MAX: variants seen among roughly 807,000 people sequenced by gnomAD.
MAX encodes MYC associated transcriptional regulator X.
In MAX, 3 loss-of-function variants were observed where a neutral mutation model predicts 22.3. The observed-to-expected ratio is 0.13, with a 90% CI of 0.06 to 0.35. The LOEUF is 0.35. Among genes scored for constraint, MAX ranks in the 10% least tolerant of loss-of-function variants. MAX has a pLI of 1.00. For synonymous variants in MAX, 72 were observed against 77.7 expected, an observed-to-expected ratio of 0.93 and a Z score of 0.39; for missense variants, 119 against 209.4, an observed-to-expected ratio of 0.57 and a Z score of 2.66.
At position 65,076,514 on chromosome 14, in the gene MAX, G is replaced by A. The variant is rs2063059168; in HGVS notation, c.445C>T (p.Pro149Ser). 1 of 1,613,868 alleles carries A rather than the reference G, an allele frequency of 6.2e-7. No individual in the cohort carries two copies. Among genetic ancestry groups the A allele is most frequent in the Non-Finnish European group, 8.5e-7 (1 of 1,180,016 alleles). Reference sequence around the variant, plus strand: ...ATCCGGAGCTTCTTCCTGCTTTGGGGCTCTTCAGGCTCAGACTCCGAGCTG... The same window carrying A: ...ATCCGGAGCTTCTTCCTGCTTTGGGACTCTTCAGGCTCAGACTCCGAGCTG... ...DSSSESEPEE[P>S]QSRKKLRMEA... Residue 149 changes from proline to serine, a missense_variant, in exon 5 of 5, where the codon CCC becomes TCC. Transcript: ENST00000358664. The surrounding 1 kb of genome is among the most constrained non-coding windows in gnomAD (Gnocchi z 6.6).
chr14:65,074,603 T>C (rs1042997782), downstream of MAX, among the ~76,000 whole-genome samples: 2 of 152,248 alleles, frequency 1.3e-5, no homozygotes, highest in Admixed American at 1.3e-4. Context: ...AATTCCTTTT[T>C]CTTCCAAGGT....
chr14:65,078,203 A>T lies in MAX; in HGVS notation c.172-167T>A, dbSNP rs796169282. Among the ~76,000 whole-genome samples the T allele has an allele frequency of 8.4e-4, 122 of 144,682 alleles. No individual in the cohort carries two copies. In the East Asian group the frequency reaches 0.013, roughly 16 times the overall value. 94.9% of individuals were successfully genotyped at this position (144,682 alleles called of 152,430 possible). A position where few individuals can be genotyped will look rare whatever the true frequency, so the allele number is the denominator to read the frequency against. Reference sequence around the variant, plus strand: ...TACTGTAGGCTTTATTTATTTATTTATTTTTTTATTTTTTTGAGACAGAGT... The same window carrying T: ...TACTGTAGGCTTTATTTATTTATTTTTTTTTTTATTTTTTTGAGACAGAGT... On this transcript the variant is annotated intron_variant, in intron 3 of 4. Coordinates refer to ENST00000358664, the MANE Select transcript of MAX (RefSeq NM_002382.5). This position sits in a 1 kb window ranked among gnomAD's most constrained non-coding sequence, Gnocchi z 6.4.
Position 65,102,362 on chromosome 14 carries a change from C to A in MAX, c.-23G>T, listed in dbSNP as rs2139978192. The A allele has an allele frequency of 6.2e-7, 1 of 1,613,268 alleles. No individual in the cohort carries two copies. The highest frequency in any genetic ancestry group is 8.5e-7 in the Non-Finnish European group (1 of 1,179,634). On this transcript the variant is annotated 5_prime_UTR_variant, in exon 1 of 5. Transcript: ENST00000358664. ...CATTTCCTACGGCCCAGGGAGCGGC[C>A]ACTGCAGCGGCGGCGGGGAGGGGAA...
intron 3 of MAX, among the ~76,000 whole-genome samples, chr14:65,083,055 T>A (rs2063239190): frequency 6.6e-6 from 1 of 152,166 alleles, no homozygotes; most frequent in African/African-American, 2.4e-5. Context: ...ATGAATAATG[T>A]AGAAGGGACC....
chr14:65,084,288 G>A lies in MAX; in HGVS notation c.172-6252C>T. ...GGACAGGAGTACACAATTTCCAAAA[G>A]AGGAAATAGAGCTAGTAAATAAACA... On this transcript the variant is annotated intron_variant, in intron 3 of 4. Transcript: ENST00000358664. The surrounding 1 kb of genome is among the most constrained non-coding windows in gnomAD (Gnocchi z 4.3). The A allele has an allele frequency of 6.5e-7, 1 of 1,545,452 alleles. No homozygotes were observed. The highest frequency in any genetic ancestry group is 8.9e-7 in the Non-Finnish European group (1 of 1,117,636).
intron 3 of MAX, among the ~76,000 whole-genome samples, chr14:65,067,625 G>GTTT (rs201195408): frequency 3.6e-5 from 5 of 140,688 alleles, no homozygotes; most frequent in Admixed American, 7.1e-5. Flanking sequence ...ATGGGTTTAT[G>GTTT]TTTTTTTTTT....
intron 3 of MAX, among the ~76,000 whole-genome samples, chr14:65,051,223 C>G (rs984717231): frequency 5.9e-5 from 9 of 152,232 alleles, no homozygotes; most frequent in Admixed American, 1.3e-4. Context: ...CACCTGGCCA[C>G]TGTCCCTCAC....
Position 65,093,984 on chromosome 14 carries a change from A to T in MAX, c.64-169T>A, listed in dbSNP as rs184803066. ...GGAGTCTCCAGAATTAGGCTCTGCT[A>T]AAGGGGGAGAAAGGGGTGAGCAACG... On this transcript the variant is annotated intron_variant, in intron 2 of 4. Transcript: ENST00000358664. This position sits in a 1 kb window ranked among gnomAD's most constrained non-coding sequence, Gnocchi z 4.4. 9 of 667,096 alleles carry T rather than the reference A, an allele frequency of 1.3e-5. No homozygotes were observed. The East Asian group carries it at 2.5e-4, about 18-fold the overall frequency. 41.3% of individuals were successfully genotyped at this position (667,096 alleles called of 1,614,324 possible).
chr14:65,065,829 C>T (rs1262738394), intron 3 of MAX, among the ~76,000 whole-genome samples: 4 of 152,130 alleles, frequency 2.6e-5, no homozygotes, highest in Non-Finnish European at 2.9e-5. Context: ...CCTGTTCTAC[C>T]GCCTCTCATT....
rs1421623072 is a variant in MAX at position 65,079,114 on chromosome 14, TAA to T, written c.172-1080_172-1079del. Reference sequence around the variant, plus strand: ...TACTTAAATGAAAGCTTTAGGTCACTAATTCTGCTAGGGCCTGGCTTGAGACA... The same window carrying T: ...TACTTAAATGAAAGCTTTAGGTCACTTTCTGCTAGGGCCTGGCTTGAGACA... On this transcript the variant is annotated intron_variant, in intron 3 of 4. Transcript: ENST00000358664. The surrounding 1 kb of genome is among the most constrained non-coding windows in gnomAD (Gnocchi z 4.5). Among the ~76,000 whole-genome samples, 1 of 152,222 alleles carries T rather than the reference TAA, an allele frequency of 6.6e-6. No homozygotes were observed. Among genetic ancestry groups the T allele is most frequent in the African/African-American group, 2.4e-5 (1 of 41,448 alleles).
chr14:65,052,291 A>AT (rs2062634124), intron 3 of MAX, among the ~76,000 whole-genome samples: 1 of 152,220 alleles, frequency 6.6e-6, no homozygotes, highest in African/African-American at 2.4e-5. Context: ...CAGTTATAAT[A>AT]ACTAGGTAGA....
rs187682551 is a variant in MAX, at chr14:65,064,529, G to A, written c.171+29179C>T. Among the ~76,000 whole-genome samples the A allele has an allele frequency of 1.6e-3, 243 of 152,288 alleles. 1 individual carries two copies. Among genetic ancestry groups the A allele is most frequent in the African/African-American group, 5.3e-3 (222 of 41,552 alleles). On this transcript the variant is annotated intron_variant, in intron 3 of 3. Coordinates refer to the MAX transcript ENST00000341653. ...ATAGCTCCAGACCCTACATCCTGTT[G>A]GGGTCAGGTTCAGCAGACAGGCACA...
At chr14:65,066,996 C>G (rs938663805) in intron 3 of MAX, among the ~76,000 whole-genome samples, 3 of 150,206 alleles carry the variant, frequency 2.0e-5, no homozygotes, top group Non-Finnish European at 3.0e-5. Flanking sequence ...AGCGACATAG[C>G]CACACTCTGT....
chr14:65,037,661 G>A (rs1159299861), intron 3 of MAX, among the ~76,000 whole-genome samples: 3 of 149,586 alleles, frequency 2.0e-5, no homozygotes, highest in African/African-American at 4.9e-5. Context: ...CTGGGCTGAC[G>A]TAATCCTCCT....
chr14:65,025,795 G>A (rs1479296591), intron 3 of MAX, among the ~76,000 whole-genome samples: 1 of 152,130 alleles, frequency 6.6e-6, no homozygotes, highest in Non-Finnish European at 1.5e-5. Context: ...CAGCCTGGCC[G>A]ACAGAGTAAG....
At position 65,078,140 on chromosome 14, in the gene MAX, G is replaced by T. The variant is rs2063109799; in HGVS notation, c.172-104C>A. On this transcript the variant is annotated intron_variant, in intron 3 of 4. Transcript: ENST00000358664. This position sits in a 1 kb window ranked among gnomAD's most constrained non-coding sequence, Gnocchi z 6.4. ...CTGCTTGGGTGGCTGGAAACGAGAG[G>T]GTAAGGTGGGAAAAGGCTGAAGAAA... The T allele has an allele frequency of 8.0e-7, 1 of 1,249,918 alleles. No homozygotes were observed. Among genetic ancestry groups the T allele is most frequent in the Non-Finnish European group, 1.2e-6 (1 of 855,672 alleles). The allele number at this position is 1,249,918 out of a possible 1,614,324, so 77.4% of individuals were successfully genotyped here.
Position 65,077,663 on chromosome 14 carries a change from G to C in MAX, c.295+250C>G. ...GAGCACCTGAGCCCCAAGAAGGGGA[G>C]AGGTCAGGCCAGAAAAGATACAAGT... On this transcript the variant is annotated intron_variant, in intron 4 of 4. Coordinates refer to ENST00000358664, the MANE Select transcript of MAX (RefSeq NM_002382.5). The surrounding 1 kb of genome is among the most constrained non-coding windows in gnomAD (Gnocchi z 6.3). The C allele has an allele frequency of 1.4e-6, 2 of 1,466,556 alleles. No individual in the cohort carries two copies. Among genetic ancestry groups the C allele is most frequent in the Non-Finnish European group, 1.9e-6 (2 of 1,077,210 alleles). 90.8% of individuals were successfully genotyped at this position (1,466,556 alleles called of 1,614,324 possible). A position where few individuals can be genotyped will look rare whatever the true frequency, so the allele number is the denominator to read the frequency against.
intron 3 of MAX, among the ~76,000 whole-genome samples, chr14:65,046,628 T>C (rs2062486329): frequency 6.6e-6 from 1 of 152,156 alleles, no homozygotes; most frequent in Non-Finnish European, 1.5e-5. Context: ...ACACAGGGCA[T>C]CTCTTGAACT....
chr14:65,044,077 G>C lies in MAX; in HGVS notation c.172-37793C>G, dbSNP rs887780052. On this transcript the variant is annotated intron_variant, in intron 3 of 3. Transcript: ENST00000341653. This position sits in a 1 kb window ranked among gnomAD's most constrained non-coding sequence, Gnocchi z 5.5. ...CCAGGAAAAGGTAGTTGTCTGCCAG[G>C]CATTGAGCAGAGATCAGTGCTGGAT... 6.6e-6 allele frequency among the ~76,000 whole-genome samples: 1 copy of C among 152,152 alleles called. No homozygotes were observed. Among genetic ancestry groups the C allele is most frequent in the Admixed American group, 6.5e-5 (1 of 15,270 alleles).
Sources: allele counts gnomAD v4.1 joint callset (sites outside exome capture counted in the v4.1 genomes callset), GRCh38; gene constraint gnomAD v4.1.1; non-coding constraint Gnocchi (gnomAD v3.1); transcripts MANE v1.5; gene names NCBI Gene and HGNC (gene_info 2026-07-23, HGNC 2026-07-21).